Variants in CAMTA1 observed in about 807,000 individuals in gnomAD.
The protein encoded by CAMTA1 is calmodulin binding transcription activator 1, also known as calmodulin-binding transcription activator 1.
CAMTA1 carries 27 observed loss-of-function variants against 170.9 expected under a neutral mutation model. The ratio of observed to expected loss-of-function variants is 0.16; its 90% CI spans 0.12 to 0.22. The LOEUF (loss-of-function observed/expected upper bound fraction) is 0.22. CAMTA1 is among the 10% of genes least tolerant of loss of function. The pLI is 1.00. For synonymous variants in CAMTA1, 833 were observed against 891.5 expected, an observed-to-expected ratio of 0.93 and a Z score of 1.17; for missense variants, 1,619 against 2,217.2, an observed-to-expected ratio of 0.73 and a Z score of 5.42.
chr1:6,929,018 T>A (rs573556538), intron 3 of CAMTA1, among the ~76,000 whole-genome samples: 3 of 152,332 alleles, frequency 2.0e-5, no homozygotes, highest in East Asian at 1.9e-4. Context: ...TATTATTATT[T>A]TTTTAAATAG....
At chr1:7,450,695 G>GT (rs2149459130) in intron 5 of CAMTA1, among the ~76,000 whole-genome samples, 1 of 152,352 alleles carries the variant, frequency 6.6e-6, no homozygotes, top group Admixed American at 6.5e-5. Context: ...CAGAAAACCT[G>GT]TTTCTTTCCC....
intron 3 of CAMTA1, among the ~76,000 whole-genome samples, chr1:6,941,776 G>A (rs998036912): frequency 6.6e-6 from 1 of 152,230 alleles, no homozygotes; most frequent in Non-Finnish European, 1.5e-5. Context: ...GGCCGTACAG[G>A]TGAGGCCTGC....
At chr1:7,084,700 G>C (rs909656452) in intron 3 of CAMTA1, among the ~76,000 whole-genome samples, 3 of 152,178 alleles carry the variant, frequency 2.0e-5, no homozygotes, top group African/African-American at 7.2e-5. Context: ...GGAGGCATAT[G>C]TGTTTGCGGG....
chr1:7,497,601 C>T (rs1052414157), intron 6 of CAMTA1, among the ~76,000 whole-genome samples: 5 of 152,224 alleles, frequency 3.3e-5, no homozygotes, highest in South Asian at 2.1e-4. Flanking sequence ...CGTCACATTG[C>T]GTGGTGCCTT....
chr1:7,601,346 C>T (rs1009623274), intron 6 of CAMTA1, among the ~76,000 whole-genome samples: 21 of 149,324 alleles, frequency 1.4e-4, no homozygotes, highest in Non-Finnish European at 1.8e-4. Context: ...CCAGACGGGG[C>T]GGCAGGGCAG....
chr1:7,504,054 G>A (rs572032364), intron 6 of CAMTA1, among the ~76,000 whole-genome samples: 1 of 152,302 alleles, frequency 6.6e-6, no homozygotes, highest in African/African-American at 2.4e-5. Context: ...GGCAGCCTCA[G>A]CCGAGACTGG....
At chr1:6,798,089 T>G (rs1484142586) in intron 1 of CAMTA1, among the ~76,000 whole-genome samples, 1 of 151,616 alleles carries the variant, frequency 6.6e-6, no homozygotes, top group Non-Finnish European at 1.5e-5. Context: ...CTCCGCCGCC[T>G]TGGTTCAAGC....
intron 6 of CAMTA1, among the ~76,000 whole-genome samples, chr1:7,594,200 GGGAAGGAAGGAAGGAA>G (rs56904420): frequency 1.8e-4 from 21 of 113,710 alleles, no homozygotes; most frequent in Middle Eastern, 4.5e-3. Context: ...AAGGAGGGAG[GGGAAGGAAGGAAGGAA>G]GGAAGGAAGG....
chr1:6,801,125 C>G (rs566022088), intron 1 of CAMTA1, among the ~76,000 whole-genome samples: 1 of 152,194 alleles, frequency 6.6e-6, no homozygotes, highest in Non-Finnish European at 1.5e-5. Flanking sequence ...AGAAATTGAT[C>G]ATAGATAACT....
intron 6 of CAMTA1, among the ~76,000 whole-genome samples, chr1:7,473,666 G>T (rs1175757503): frequency 6.6e-6 from 1 of 152,230 alleles, no homozygotes; most frequent in African/African-American, 2.4e-5. Flanking sequence ...TTTTCAGAGG[G>T]ACAGGCCCTG....
intron 3 of CAMTA1, among the ~76,000 whole-genome samples, chr1:6,891,344 A>G (rs1232742400): frequency 2.0e-5 from 3 of 152,164 alleles, no homozygotes; most frequent in Non-Finnish European, 2.9e-5. Flanking sequence ...TTAAATGCCT[A>G]TTTACCACTT....
At chr1:6,804,109 G>A (rs567210410) in intron 1 of CAMTA1, among the ~76,000 whole-genome samples, 16 of 152,148 alleles carry the variant, frequency 1.1e-4, no homozygotes, top group African/African-American at 3.6e-4. Context: ...AGTTGAACCC[G>A]GGAGGCAGAG....
chr1:7,523,409 G>A (rs573111116), intron 6 of CAMTA1, among the ~76,000 whole-genome samples: 3 of 152,292 alleles, frequency 2.0e-5, no homozygotes, highest in African/African-American at 7.2e-5. Context: ...GATAGGAATT[G>A]TATTAAACCT....
rs568754759 is a variant in CAMTA1 at position 7,136,742 on chromosome 1, G to A, written c.302+45371G>A. On this transcript the variant is annotated intron_variant, in intron 4 of 22. Transcript: ENST00000303635. ...AGTATCTGTTCTCATCTTACTGGTC[G>A]ATGAGTGGCATTTGACATGACTGGC... is the stretch of plus-strand genomic sequence containing the variant. Among the ~76,000 whole-genome samples the A allele has an allele frequency of 2.3e-3, 346 of 152,242 alleles. 1 individual carries two copies. The highest frequency in any genetic ancestry group is 5.0e-3 in the South Asian group (24 of 4,824).
At chr1:7,745,077 G>A in intron 17 of CAMTA1, 55 bp downstream of exon 17, 2 of 1,477,674 alleles carry the variant, frequency 1.4e-6, no homozygotes, top group Admixed American at 2.0e-5. Context: ...TGTAATTGGA[G>A]GCAGGGGAGG....
chr1:7,113,333 G>A lies in CAMTA1; in HGVS notation c.302+21962G>A, dbSNP rs745391306. Reference sequence around the variant, plus strand: ...CCTTCCCGTATGTTTGCTTGGCCACGTGCCTGTGTGGCCATTCTGACCAAG... The same window carrying A: ...CCTTCCCGTATGTTTGCTTGGCCACATGCCTGTGTGGCCATTCTGACCAAG... On this transcript the variant is annotated intron_variant, in intron 4 of 22. Coordinates refer to ENST00000303635, the MANE Select transcript of CAMTA1 (RefSeq NM_015215.4). The surrounding 1 kb of genome is among the most constrained non-coding windows in gnomAD (Gnocchi z 4.5). 1.3e-5 allele frequency among the ~76,000 whole-genome samples: 2 copies of A among 152,218 alleles called. No individual in the cohort carries two copies. Among genetic ancestry groups the A allele is most frequent in the Non-Finnish European group, 2.9e-5 (2 of 68,042 alleles).
At chr1:7,728,070 CT>C (rs1324671158) in intron 11 of CAMTA1, among the ~76,000 whole-genome samples, 1 of 152,244 alleles carries the variant, frequency 6.6e-6, no homozygotes, top group East Asian at 1.9e-4. Context: ...CACATAATTG[CT>C]TCTGAGTATT....
chr1:6,835,790 A>G (rs1359048649), intron 3 of CAMTA1, among the ~76,000 whole-genome samples: 1 of 152,200 alleles, frequency 6.6e-6, no homozygotes, highest in African/African-American at 2.4e-5. Flanking sequence ...TTTAGCTAGT[A>G]GGCACCTAAA....
At chr1:7,386,273 A>G (rs1374545997) in intron 5 of CAMTA1, among the ~76,000 whole-genome samples, 2 of 152,230 alleles carry the variant, frequency 1.3e-5, no homozygotes, top group East Asian at 1.9e-4. Flanking sequence ...GAGCTCGGTT[A>G]GCATCTTGTG....
Sources: allele counts gnomAD v4.1 joint callset (sites outside exome capture counted in the v4.1 genomes callset), GRCh38; gene constraint gnomAD v4.1.1; non-coding constraint Gnocchi (gnomAD v3.1); transcripts MANE v1.5; gene names NCBI Gene and HGNC (gene_info 2026-07-23, HGNC 2026-07-21).